TMEM176B: variants seen among roughly 807,000 people sequenced by gnomAD.
TMEM176B encodes transmembrane protein 176B, also known as LR8-like protein.
A neutral mutation model predicts 30.3 loss-of-function variants in TMEM176B; 28 were observed. The observed-to-expected ratio is 0.92, with a 90% CI of 0.68 to 1.27. TMEM176B has a LOEUF of 1.27. Ranked by LOEUF, TMEM176B falls within the 50% of genes most tolerant of loss-of-function variation. TMEM176B has a pLI of 0.00. For missense variants in TMEM176B, 349 were observed against 327.4 expected, an observed-to-expected ratio of 1.07 and a Z score of -0.51; for synonymous variants, 123 against 130.3, an observed-to-expected ratio of 0.94 and a Z score of 0.38.
intron 1 of TMEM176B, chr7:150,796,843 A>C: frequency 2.8e-6 from 1 of 361,734 alleles, no homozygotes; most frequent in Non-Finnish European, 5.2e-6. Flanking sequence ...AGTCCCAGCT[A>C]CTCAGGAGGC....
Position 150,791,458 on chromosome 7 carries a change from G to C in TMEM176B, c.*73C>G. 1 of 1,298,976 alleles carries C rather than the reference G, an allele frequency of 7.7e-7. No homozygotes were observed. The highest frequency in any genetic ancestry group is 1.1e-6 in the Non-Finnish European group (1 of 914,552). The allele number at this position is 1,298,976 out of a possible 1,614,324, so 80.5% of individuals were successfully genotyped here. A position where few individuals can be genotyped will look rare whatever the true frequency, so the allele number is the denominator to read the frequency against. ...GAGCGGCCATAGGGGAGGCAAGTGTGAGGAGCCAGGAGTGGGGGCCCTGGG... is the reference window on the plus strand; with the variant it reads ...GAGCGGCCATAGGGGAGGCAAGTGTCAGGAGCCAGGAGTGGGGGCCCTGGG... On this transcript the variant is annotated 3_prime_UTR_variant, in exon 7 of 7. Transcript: ENST00000326442.
At chr7:150,798,162 A>C (rs996127012) in intron 1 of TMEM176B, among the ~76,000 whole-genome samples, 1 of 152,216 alleles carries the variant, frequency 6.6e-6, no homozygotes, top group Admixed American at 6.5e-5. Flanking sequence ...CATTCCCTAA[A>C]GCCCCTCCCC....
chr7:150,800,919 A>G (rs1798757801), upstream of TMEM176B: 1 of 985,100 alleles, frequency 1.0e-6, no homozygotes, highest in Non-Finnish European at 1.2e-6. Context: ...CGTAGGAGGG[A>G]CCCCCACCCA....
rs537966991 is a variant in TMEM176B at position 150,798,126 on chromosome 7, A to G, written c.-5-1552T>C. ...TTGTGCAATTACAGCTACAATCAAG[A>G]TAAAGGACATTCCTACACAGCAATA... On this transcript the variant is annotated intron_variant, in intron 1 of 6. Transcript: ENST00000326442. Among the ~76,000 whole-genome samples the G allele has an allele frequency of 2.0e-5, 3 of 152,302 alleles. No homozygotes were observed. In the East Asian group the frequency reaches 5.8e-4, roughly 29 times the overall value.
At chr7:150,798,484 C>T (rs1798614386) in intron 1 of TMEM176B, among the ~76,000 whole-genome samples, 1 of 152,128 alleles carries the variant, frequency 6.6e-6, no homozygotes, top group Non-Finnish European at 1.5e-5. Flanking sequence ...ACCGTGTTAG[C>T]CAGGATGGTC....
At chr7:150,797,808 T>A (rs1401288554) in intron 1 of TMEM176B, among the ~76,000 whole-genome samples, 1 of 152,220 alleles carries the variant, frequency 6.6e-6, no homozygotes, top group Non-Finnish European at 1.5e-5. Flanking sequence ...GAGTATGAAT[T>A]CCTCATAATT....
intron 6 of TMEM176B, 42 bp downstream of exon 6, chr7:150,792,014 C>T: frequency 6.2e-7 from 1 of 1,611,390 alleles, no homozygotes. Context: ...ACACTCACCA[C>T]CCAGACTCAC....
rs745978960 is a variant in TMEM176B, at chr7:150,793,986, C to T, written c.290G>A (p.Gly97Asp). Residue 97 changes from glycine (G) to aspartate (D), a missense_variant, in exon 3 of 7, where the codon GGC becomes GAC. By Grantham distance (94) the Gly-to-Asp change is moderately conservative. Transcript: ENST00000326442. ...CACAGACCCCGCCCAGAAGGCACAG[C>T]CTGAGGCACTCAGCACAGTCCAGGG... The part of the protein sequence containing the change: ...LGPWTVLSAS[G>D]CAFWAGSVVI... The T allele has an allele frequency of 6.2e-7, 1 of 1,612,652 alleles. No homozygotes were observed.
chr7:150,800,989 C>T (rs867197163), upstream of TMEM176B: 255 of 985,838 alleles, frequency 2.6e-4, 1 homozygote, highest in Middle Eastern at 4.2e-3. Flanking sequence ...GGCTTTTGAC[C>T]TACCTCCGCA....
intron 1 of TMEM176B, among the ~76,000 whole-genome samples, chr7:150,798,266 C>A (rs1406312273): frequency 2.6e-5 from 4 of 152,044 alleles, no homozygotes; most frequent in African/African-American, 9.7e-5. Flanking sequence ...TCTTTTATTT[C>A]ATTTTTTTAT....
In TMEM176B at chr7:150,792,188, G is replaced by A; in HGVS notation, c.601-13C>T. ...CTGTGAACAACTTCTGGAGATAAGG[G>A]AAGAACAAAGATAGTCAGGTGTCAG... On this transcript the variant is annotated splice_polypyrimidine_tract_variant and intron_variant, in intron 5 of 6. Coordinates refer to ENST00000326442, the MANE Select transcript of TMEM176B (RefSeq NM_001101312.2). 8 of 1,612,404 alleles carry A rather than the reference G, an allele frequency of 5.0e-6. No homozygotes were observed. Among genetic ancestry groups the A allele is most frequent in the Non-Finnish European group, 6.8e-6 (8 of 1,179,160 alleles).
At chr7:150,798,118 C>T (rs1798596268) in intron 1 of TMEM176B, among the ~76,000 whole-genome samples, 1 of 152,158 alleles carries the variant, frequency 6.6e-6, no homozygotes, top group Non-Finnish European at 1.5e-5. Flanking sequence ...ATTACAGCTA[C>T]AATCAAGATA....
At chr7:150,796,939 G>A (rs1230246043) in intron 1 of TMEM176B, among the ~76,000 whole-genome samples, 3 of 151,464 alleles carry the variant, frequency 2.0e-5, no homozygotes, top group African/African-American at 7.4e-5. Flanking sequence ...GGGCAACAGA[G>A]TGAGACTCCA....
chr7:150,795,343 A>G (rs529364388), intron 2 of TMEM176B, among the ~76,000 whole-genome samples: 1 of 152,292 alleles, frequency 6.6e-6, no homozygotes, highest in Non-Finnish European at 1.5e-5. Context: ...AACTTGCCCT[A>G]TGCCTTCTGG....
At chr7:150,798,658 C>T (rs894666606) in intron 1 of TMEM176B, among the ~76,000 whole-genome samples, 4 of 152,054 alleles carry the variant, frequency 2.6e-5, no homozygotes, top group Non-Finnish European at 5.9e-5. Context: ...GCAATCCTCC[C>T]ACCTCAGCCT....
At position 150,796,407 on chromosome 7, in the gene TMEM176B, GCA is replaced by G; in HGVS notation, c.161_162del (p.Val54AlafsTer9). On this transcript the variant is annotated frameshift_variant, in exon 2 of 7. Transcript: ENST00000326442. LOFTEE classifies it high-confidence loss of function. Reference protein sequence around the residue: ...KKFLFHPGDTVPSTARIGYEQ... With the variant: ...KKFLFHPGDTXPSTARIGYEQ... ...TCATAACCAATCCTGGCTGTGGAAG[GCA>G]CAGTGTCCCCAGGGTGAAAAAGAAA... 1 of 1,614,132 alleles carries G rather than the reference GCA, an allele frequency of 6.2e-7. No homozygotes were observed. Among genetic ancestry groups the G allele is most frequent in the Non-Finnish European group, 8.5e-7 (1 of 1,180,016 alleles).
chr7:150,791,752 C>CAAAAAAA (rs35720994), intron 6 of TMEM176B, 129 bp from the exon 7 acceptor site: 1 of 717,712 alleles, frequency 1.4e-6, no homozygotes. Flanking sequence ...GCAGATCAGG[C>CAAAAAAA]AAAAAAAAAA....
intron 2 of TMEM176B, among the ~76,000 whole-genome samples, chr7:150,794,595 G>A (rs1798447324): frequency 6.6e-6 from 1 of 151,760 alleles, no homozygotes; most frequent in African/African-American, 2.4e-5. Flanking sequence ...ACTGAGGAGG[G>A]CCCCCCAGCC....
rs1418923415 is a variant in TMEM176B, at chr7:150,796,436, T to C, written c.134A>G (p.Lys45Arg). 2 of 1,613,894 alleles carry C rather than the reference T, an allele frequency of 1.2e-6. No individual in the cohort carries two copies. Among genetic ancestry groups the C allele is most frequent in the Admixed American group, 3.3e-5 (2 of 60,024 alleles). Reference protein sequence around the residue: ...QLLKAGGSLKKFLFHPGDTVP... With the variant: ...QLLKAGGSLKRFLFHPGDTVP... ...AGTGTCCCCAGGGTGAAAAAGAAAC[T>C]TCTTCAGAGAACCTCCAGCTTTCAG... is the stretch of plus-strand genomic sequence containing the variant. The change falls in exon 2 of 7, where the codon AAG (lysine) becomes AGG (arginine). Residue 45 changes from lysine to arginine, a missense_variant. By Grantham distance (26) the Lys-to-Arg change is conservative (BLOSUM62 2). Transcript: ENST00000326442.
Sources: gnomAD v4.1 joint callset for allele counts (sites outside exome capture counted in the v4.1 genomes callset) on GRCh38, gnomAD v4.1.1 for gene constraint, MANE v1.5 for transcripts, NCBI Gene and HGNC (gene_info 2026-07-23, HGNC 2026-07-21) for gene names.